Variants in SGCZ observed in about 807,000 individuals in gnomAD.
SGCZ encodes the protein sarcoglycan zeta, also known as zeta-sarcoglycan.
A neutral mutation model predicts 41.3 loss-of-function variants in SGCZ; 40 were observed. The observed-to-expected ratio is 0.97, with a 90% confidence interval of 0.75 to 1.26. The LOEUF (loss-of-function observed/expected upper bound fraction) is 1.26. Ranked by LOEUF, SGCZ falls within the 50% of genes most tolerant of loss-of-function variation. SGCZ has a pLI of 0.00. For synonymous variants in SGCZ, 206 were observed against 137.5 expected (o/e 1.50, Z -3.49); for missense variants, 552 against 369.8 (o/e 1.49, Z -4.04).
intron 3 of SGCZ, among the ~76,000 whole-genome samples, chr8:14,311,364 C>G (rs570140792): frequency 6.6e-6 from 1 of 152,198 alleles, no homozygotes; most frequent in South Asian, 2.1e-4. Context: ...CATTCTGCAG[C>G]TGAAGTACTA....
chr8:14,263,837 A>G (rs1312844046), intron 3 of SGCZ, among the ~76,000 whole-genome samples: 1 of 152,186 alleles, frequency 6.6e-6, no homozygotes, highest in Non-Finnish European at 1.5e-5. Context: ...AACTCCAAGA[A>G]GCACAACTCA....
At chr8:14,237,333 G>C (rs897351014) in intron 4 of SGCZ, among the ~76,000 whole-genome samples, 1 of 152,112 alleles carries the variant, frequency 6.6e-6, no homozygotes, top group African/African-American at 2.4e-5. Flanking sequence ...GGAATGTTGA[G>C]TTATGTATCA....
At chr8:14,516,729 C>T (rs979294415) in intron 2 of SGCZ, among the ~76,000 whole-genome samples, 1 of 152,064 alleles carries the variant, frequency 6.6e-6, no homozygotes, top group African/African-American at 2.4e-5. Flanking sequence ...ATGCGTCTTT[C>T]ATCATTAGCT....
Position 14,661,011 on chromosome 8 carries a change from C to T in SGCZ, c.40-106085G>A, listed in dbSNP as rs562459202. ...TTATTATTAATAAATACTATTGTGA[C>T]AGCAGCTATATTTAGAGGGTTCTTC... On this transcript the variant is annotated intron_variant, in intron 1 of 7. Transcript: ENST00000382080. Among the ~76,000 whole-genome samples the T allele has an allele frequency of 2.0e-5, 3 of 152,236 alleles. No individual in the cohort carries two copies. The East Asian group carries it at 5.8e-4, about 29-fold the overall frequency.
At chr8:14,957,801 A>C (rs891276670) in intron 1 of SGCZ, among the ~76,000 whole-genome samples, 3 of 152,068 alleles carry the variant, frequency 2.0e-5, no homozygotes, top group Non-Finnish European at 4.4e-5. Flanking sequence ...CTGTAGTTGG[A>C]AATATACATA....
chr8:14,827,094 A>C lies in SGCZ; in HGVS notation c.40-272168T>G, dbSNP rs184591491. Among the ~76,000 whole-genome samples, 1,100 of 151,998 alleles carry C rather than the reference A, an allele frequency of 7.2e-3. 11 individuals are homozygous for C. The highest frequency in any genetic ancestry group is 0.022 in the African/African-American group (901 of 41,468). ...TCTATGGATTAAAGACTTACATGTTAGACATATCTTTCTTAAGAATATACC... is the reference window on the plus strand; with the variant it reads ...TCTATGGATTAAAGACTTACATGTTCGACATATCTTTCTTAAGAATATACC... On this transcript the variant is annotated intron_variant, in intron 1 of 7. Transcript: ENST00000382080.
At chr8:15,202,851 C>A (rs1391206092) in intron 1 of SGCZ, among the ~76,000 whole-genome samples, 1 of 152,124 alleles carries the variant, frequency 6.6e-6, no homozygotes, top group Non-Finnish European at 1.5e-5. Flanking sequence ...TGGCTCACAC[C>A]TATAATCCCA....
At chr8:14,964,604 GT>G (rs1470538514) in intron 1 of SGCZ, among the ~76,000 whole-genome samples, 2 of 152,180 alleles carry the variant, frequency 1.3e-5, no homozygotes, top group African/African-American at 4.8e-5. Context: ...AATCCCACAC[GT>G]AGCTTTGCAA....
chr8:14,965,607 G>C (rs1801105696), intron 1 of SGCZ, among the ~76,000 whole-genome samples: 1 of 151,938 alleles, frequency 6.6e-6, no homozygotes, highest in South Asian at 2.1e-4. Flanking sequence ...AATAGAGAGA[G>C]GAATTTAAAG....
At chr8:14,464,972 T>C (rs1331428915) in intron 2 of SGCZ, among the ~76,000 whole-genome samples, 1 of 151,698 alleles carries the variant, frequency 6.6e-6, no homozygotes, top group Non-Finnish European at 1.5e-5. Flanking sequence ...TTTTAAAATA[T>C]GCCAATACTT....
chr8:14,627,751 A>ATT (rs5889543), intron 1 of SGCZ, among the ~76,000 whole-genome samples: 11 of 150,968 alleles, frequency 7.3e-5, no homozygotes, highest in South Asian at 2.1e-4. Context: ...GAATTACTTC[A>ATT]TTTTTTTTTG....
chr8:15,079,247 C>A (rs1425284617), intron 1 of SGCZ, among the ~76,000 whole-genome samples: 1 of 152,124 alleles, frequency 6.6e-6, no homozygotes, highest in Non-Finnish European at 1.5e-5. Context: ...GGAATGTACC[C>A]CAAGATTTAA....
At chr8:14,209,326 G>A (rs115110344) in intron 4 of SGCZ, among the ~76,000 whole-genome samples, 2 of 152,006 alleles carry the variant, frequency 1.3e-5, no homozygotes, top group South Asian at 4.1e-4. Flanking sequence ...ACCAGGGAGA[G>A]AGCTGTTCTG....
chr8:14,522,028 C>G (rs558983616), intron 2 of SGCZ, among the ~76,000 whole-genome samples: 1 of 151,962 alleles, frequency 6.6e-6, no homozygotes, highest in East Asian at 1.9e-4. Context: ...TATGATCAAG[C>G]GATATTTCAT....
chr8:14,996,592 A>AG (rs1232656273), intron 1 of SGCZ, among the ~76,000 whole-genome samples: 1 of 152,114 alleles, frequency 6.6e-6, no homozygotes, highest in East Asian at 1.9e-4. Flanking sequence ...ATTGTCATTG[A>AG]GGAAGTCAGA....
intron 2 of SGCZ, among the ~76,000 whole-genome samples, chr8:14,489,693 G>T (rs1801785699): frequency 6.7e-6 from 1 of 149,988 alleles, no homozygotes; most frequent in African/African-American, 2.5e-5. Flanking sequence ...TAAATATATC[G>T]TAAATATAAA....
chr8:14,614,208 G>C (rs557487741), intron 1 of SGCZ, among the ~76,000 whole-genome samples: 2 of 152,206 alleles, frequency 1.3e-5, no homozygotes, highest in East Asian at 1.9e-4. Context: ...TGAACCTTTA[G>C]AACCGAAAAT....
intron 1 of SGCZ, among the ~76,000 whole-genome samples, chr8:14,959,910 G>C (rs1461364520): frequency 6.6e-6 from 1 of 152,154 alleles, no homozygotes; most frequent in African/African-American, 2.4e-5. Context: ...CACGCGCTGA[G>C]GGAAGGTCAG....
intron 3 of SGCZ, among the ~76,000 whole-genome samples, chr8:14,284,798 C>T (rs984738330): frequency 6.6e-6 from 1 of 152,048 alleles, no homozygotes; most frequent in African/African-American, 2.4e-5. Context: ...TTGTTGTGTA[C>T]ATCTTTACTA....
Sources: allele counts gnomAD v4.1 joint callset (sites outside exome capture counted in the v4.1 genomes callset), GRCh38; gene constraint gnomAD v4.1.1; transcripts MANE v1.5; gene names NCBI Gene and HGNC (gene_info 2026-07-23, HGNC 2026-07-21).